The following NEIL3 variants were observed in gnomAD, a reference collection of about 807,000 sequenced individuals.
NEIL3 encodes the protein nei like DNA glycosylase 3.
Under a neutral mutation model 57.5 loss-of-function variants are expected in NEIL3, and 48 were observed. The observed-to-expected ratio is 0.83, with a 90% CI of 0.66 to 1.06. The LOEUF (loss-of-function observed/expected upper bound fraction) is 1.06. Ranked by LOEUF, NEIL3 falls within the 50% of genes least tolerant of loss-of-function variation. The pLI, the probability that NEIL3 is intolerant of heterozygous loss-of-function variation, is 0.00. For missense variants in NEIL3, 717 were observed against 739.1 expected, an observed-to-expected ratio of 0.97 and a Z score of 0.35; for synonymous variants, 261 against 253.2, an observed-to-expected ratio of 1.03 and a Z score of -0.29.
At chr4:177,368,466 A>T in the NEIL3 span, among the ~76,000 whole-genome samples, 2 of 152,274 alleles carry the variant, frequency 1.3e-5, no homozygotes, top group South Asian at 4.1e-4. Flanking sequence ...TACAGCACTG[A>T]TATCTTTTCT....
Position 177,339,457 on chromosome 4 carries a change from T to TA in NEIL3, c.628-319dup, listed in dbSNP as rs35841392. On this transcript the variant is annotated intron_variant, in intron 4 of 9. Coordinates refer to ENST00000264596, the MANE Select transcript of NEIL3 (RefSeq NM_018248.3). ...GGGCAATAGAGTGAGACCCTGTCTC[T>TA]AAAAAAACAGAAGAATATCATAAGG... is the stretch of plus-strand genomic sequence containing the variant. Among the ~76,000 whole-genome samples, 1,385 of 152,146 alleles carry TA rather than the reference T, an allele frequency of 9.1e-3. 24 individuals are homozygous for TA. Among genetic ancestry groups the TA allele is most frequent in the African/African-American group, 0.031 (1,306 of 41,494 alleles).
chr4:177,321,064 T>G (rs1436961218), intron 1 of NEIL3, among the ~76,000 whole-genome samples: 1 of 152,124 alleles, frequency 6.6e-6, no homozygotes. Flanking sequence ...AGAGTGGACA[T>G]GTCATCTTAA....
At chr4:177,320,985 T>G (rs547262630) in intron 1 of NEIL3, among the ~76,000 whole-genome samples, 74 of 151,876 alleles carry the variant, frequency 4.9e-4, no homozygotes, top group African/African-American at 1.6e-3. Context: ...TTTATCTCCC[T>G]GTTATCTCTC....
chr4:177,314,510 T>C (rs1734536761), intron 1 of NEIL3, among the ~76,000 whole-genome samples: 2 of 152,196 alleles, frequency 1.3e-5, no homozygotes, highest in African/African-American at 2.4e-5. Context: ...ATCCTGGGAA[T>C]TGTTCCTTTT....
At chr4:177,364,698 G>T (rs1161314035), downstream of NEIL3, among the ~76,000 whole-genome samples, 1 of 152,150 alleles carries the variant, frequency 6.6e-6, no homozygotes, top group Non-Finnish European at 1.5e-5. Flanking sequence ...GGGAGGCCGA[G>T]GCAGGCAGAT....
intron 1 of NEIL3, among the ~76,000 whole-genome samples, chr4:177,317,755 C>G (rs1250084503): frequency 6.6e-6 from 1 of 151,868 alleles, no homozygotes; most frequent in African/African-American, 2.4e-5. Context: ...GCATGCACCA[C>G]TAGACCTGGT....
chr4:177,371,180 T>A, the NEIL3 span, among the ~76,000 whole-genome samples: 1 of 152,240 alleles, frequency 6.6e-6, no homozygotes, highest in African/African-American at 2.4e-5. Flanking sequence ...ATTCCATATC[T>A]ACCTTCCATA....
chr4:177,359,701 A>G (rs1735569235), intron 8 of NEIL3, among the ~76,000 whole-genome samples: 2 of 152,216 alleles, frequency 1.3e-5, no homozygotes, highest in African/African-American at 4.8e-5. Context: ...CAACCAGTTT[A>G]TTAAAAAACT....
At chr4:177,352,891 T>TTTCAC (rs759460848) in intron 7 of NEIL3, among the ~76,000 whole-genome samples, 2 of 152,142 alleles carry the variant, frequency 1.3e-5, no homozygotes, top group Non-Finnish European at 2.9e-5. Context: ...TAAATAAGCC[T>TTTCAC]TTCACTTTGT....
intron 6 of NEIL3, among the ~76,000 whole-genome samples, chr4:177,344,551 G>C (rs1735170518): frequency 6.6e-6 from 1 of 151,626 alleles, no homozygotes; most frequent in Non-Finnish European, 1.5e-5. Flanking sequence ...TTTATTGTTG[G>C]TTCTTTTTTC....
chr4:177,350,981 GA>G (rs1228301880), intron 6 of NEIL3, among the ~76,000 whole-genome samples: 1 of 151,850 alleles, frequency 6.6e-6, no homozygotes, highest in East Asian at 1.9e-4. Flanking sequence ...GCTGAGGCAG[GA>G]AGATTACTTG....
At chr4:177,314,921 C>CA (rs1179075733) in intron 1 of NEIL3, among the ~76,000 whole-genome samples, 4 of 108,442 alleles carry the variant, frequency 3.7e-5, no homozygotes, top group Admixed American at 9.0e-5. Flanking sequence ...ACTAAAAATA[C>CA]AAAAAATTAG....
chr4:177,354,624 CA>C (rs1284194715), intron 8 of NEIL3, among the ~76,000 whole-genome samples: 2 of 152,046 alleles, frequency 1.3e-5, no homozygotes, highest in Non-Finnish European at 1.5e-5. Context: ...AATCTTGCCT[CA>C]CTGCAACAAC....
intron 1 of NEIL3, 24 bp downstream of exon 1, chr4:177,310,133 A>C (rs756851566): frequency 8.5e-6 from 13 of 1,535,846 alleles, no homozygotes; most frequent in Non-Finnish European, 1.1e-5. Context: ...GTAACAGGCC[A>C]TGCAGTCAGC....
At chr4:177,314,933 T>TGGGCGTGG (rs71244923) in intron 1 of NEIL3, among the ~76,000 whole-genome samples, 87,387 of 151,010 alleles carry the variant, frequency 0.58, 26,181 homozygotes, top group African/African-American at 0.75. Flanking sequence ...AAAAATTAGC[T>TGGGCGTGG]TGGTGGACGC....
At chr4:177,323,151 A>T (rs1734719035) in intron 2 of NEIL3, among the ~76,000 whole-genome samples, 2 of 152,178 alleles carry the variant, frequency 1.3e-5, no homozygotes, top group Non-Finnish European at 2.9e-5. Context: ...ACTTAATGAT[A>T]AAAAAGTCAA....
chr4:177,361,766 C>A (rs1372169255), intron 9 of NEIL3, among the ~76,000 whole-genome samples: 6 of 152,010 alleles, frequency 3.9e-5, no homozygotes, highest in Admixed American at 3.9e-4. Context: ...CATGACAAAT[C>A]TTTGATCTTA....
rs550169206 is a variant in NEIL3, at chr4:177,349,644, G to A, written c.870-1736G>A. The stretch of plus-strand genomic sequence containing the variant: ...ATAGATTCCTGGAATTGTGCCCTAT[G>A]TCTTTGGGAGGCCATTATTCATCCT... On this transcript the variant is annotated intron_variant, in intron 6 of 9. Transcript: ENST00000264596. 3.3e-5 allele frequency among the ~76,000 whole-genome samples: 5 copies of A among 152,230 alleles called. No homozygotes were observed. In the South Asian group the frequency reaches 1.0e-3, roughly 32 times the overall value.
intron 2 of NEIL3, among the ~76,000 whole-genome samples, chr4:177,328,443 C>CAG (rs1484760381): frequency 2.0e-5 from 3 of 152,070 alleles, no homozygotes; most frequent in African/African-American, 7.2e-5. Context: ...GTGCTGGAAG[C>CAG]AGAGAAAAAG....
Sources: allele counts gnomAD v4.1 joint callset (sites outside exome capture counted in the v4.1 genomes callset), GRCh38; gene constraint gnomAD v4.1.1; transcripts MANE v1.5; gene names NCBI Gene and HGNC (gene_info 2026-07-23, HGNC 2026-07-21).